Variants in ATL1 observed in about 807,000 individuals in gnomAD.
The protein encoded by ATL1 is atlastin GTPase 1.
A neutral mutation model predicts 75.5 loss-of-function variants in ATL1; 31 were observed. That is an observed-to-expected ratio of 0.41 (90% CI 0.31 to 0.55). The LOEUF (loss-of-function observed/expected upper bound fraction) is 0.55. Ranked by LOEUF, ATL1 falls within the 20% of genes least tolerant of loss-of-function variation. ATL1 has a pLI of 0.27. For missense variants in ATL1, 405 were observed against 662.6 expected, an observed-to-expected ratio of 0.61 and a Z score of 4.27; for synonymous variants, 226 against 233.3, an observed-to-expected ratio of 0.97 and a Z score of 0.28.
intron 6 of ATL1, among the ~76,000 whole-genome samples, chr14:50,601,739 G>A: frequency 6.6e-6 from 1 of 152,120 alleles, no homozygotes; most frequent in Non-Finnish European, 1.5e-5. Context: ...TAAAAATCTG[G>A]CAGGAGCTAC....
chr14:50,569,673 T>C (rs1321122006), intron 1 of ATL1, among the ~76,000 whole-genome samples: 1 of 152,182 alleles, frequency 6.6e-6, no homozygotes, highest in Non-Finnish European at 1.5e-5. Context: ...AGTTACTGTG[T>C]AGTGTCGTTT....
intron 1 of ATL1, among the ~76,000 whole-genome samples, chr14:50,575,725 A>G (rs890421928): frequency 6.6e-6 from 1 of 150,752 alleles, no homozygotes; most frequent in Admixed American, 6.7e-5. Flanking sequence ...AGAGTTTGTC[A>G]TCTTACTTAG....
Position 50,587,836 on chromosome 14 carries a change from T to C in ATL1, c.40T>C (p.Phe14Leu), listed in dbSNP as rs1287543679. Reference protein sequence around the residue: ...NRRDRNSWGGFSEKTYEWSSE... With the variant: ...NRRDRNSWGGLSEKTYEWSSE... Reference sequence around the variant, plus strand: ...GTCACTGCTCTGTTCAACAGGTGGATTTTCGGAAAAGACATATGAATGGAG... The same window carrying C: ...GTCACTGCTCTGTTCAACAGGTGGACTTTCGGAAAAGACATATGAATGGAG... The change falls in exon 2 of 14, where the codon TTT becomes CTT. Residue 14 changes from phenylalanine to leucine, a missense_variant. Coordinates refer to ENST00000358385, the MANE Select transcript of ATL1 (RefSeq NM_015915.5). The C allele has an allele frequency of 1.2e-6, 2 of 1,614,186 alleles. No homozygotes were observed. The highest frequency in any genetic ancestry group is 2.2e-5 in the South Asian group (2 of 91,082).
chr14:50,589,698 A>T (rs1454943629), intron 2 of ATL1, among the ~76,000 whole-genome samples: 1 of 152,228 alleles, frequency 6.6e-6, no homozygotes, highest in African/African-American at 2.4e-5. Context: ...AAGAAATAAG[A>T]TTGAATAGGT....
At chr14:50,625,696 T>G (rs2140236972) in intron 11 of ATL1, among the ~76,000 whole-genome samples, 1 of 152,090 alleles carries the variant, frequency 6.6e-6, no homozygotes, top group East Asian at 1.9e-4. Flanking sequence ...GAGGCCGAGG[T>G]GGGTGGATCA....
intron 4 of ATL1, among the ~76,000 whole-genome samples, chr14:50,592,573 A>G (rs1172203805): frequency 6.6e-6 from 1 of 152,086 alleles, no homozygotes; most frequent in Non-Finnish European, 1.5e-5. Context: ...TAACCTACTT[A>G]ATCAACTTTT....
At chr14:50,552,666 A>G (rs1004664738) in intron 1 of ATL1, among the ~76,000 whole-genome samples, 2 of 152,240 alleles carry the variant, frequency 1.3e-5, no homozygotes, top group African/African-American at 4.8e-5. Context: ...AAAAATAGGC[A>G]TGTAGACCAA....
At chr14:50,574,354 A>T (rs2038981505) in intron 1 of ATL1, among the ~76,000 whole-genome samples, 1 of 152,164 alleles carries the variant, frequency 6.6e-6, no homozygotes, top group South Asian at 2.1e-4. Flanking sequence ...TCACTGGCAA[A>T]ATCTAAACAA....
At chr14:50,596,296 T>C (rs556567571) in intron 6 of ATL1, among the ~76,000 whole-genome samples, 1 of 151,794 alleles carries the variant, frequency 6.6e-6, no homozygotes, top group South Asian at 2.1e-4. Context: ...TAGTGAGAGA[T>C]GGTGTCTCTT....
upstream of ATL1, among the ~76,000 whole-genome samples, chr14:50,556,812 A>G (rs914231566): frequency 6.6e-6 from 1 of 152,218 alleles, no homozygotes; most frequent in African/African-American, 2.4e-5. Context: ...ATGTTGTACC[A>G]TATATTGGTA....
intron 2 of ATL1, among the ~76,000 whole-genome samples, chr14:50,588,490 C>G (rs2039123541): frequency 6.6e-6 from 1 of 152,094 alleles, no homozygotes; most frequent in Non-Finnish European, 1.5e-5. Context: ...TATCCACCAC[C>G]CAGATTCTAC....
At chr14:50,553,442 T>TA (rs547797971) in intron 1 of ATL1, among the ~76,000 whole-genome samples, 7,411 of 150,682 alleles carry the variant, frequency 0.049, 185 homozygotes, top group African/African-American at 0.065. Context: ...ATTTAAAAAT[T>TA]AAAAAAAAAT....
At chr14:50,594,964 A>G (rs1275806981) in intron 5 of ATL1, among the ~76,000 whole-genome samples, 2 of 149,050 alleles carry the variant, frequency 1.3e-5, no homozygotes, top group African/African-American at 5.0e-5. Flanking sequence ...ATGCCACTGC[A>G]CTCCAGCCTG....
intron 7 of ATL1, 43 bp downstream of exon 7, chr14:50,613,394 G>C: frequency 6.9e-7 from 1 of 1,439,872 alleles, no homozygotes. Context: ...CTAATAATCT[G>C]GAATTATTTC....
chr14:50,567,721 C>T (rs905555102), intron 1 of ATL1, among the ~76,000 whole-genome samples: 1 of 152,052 alleles, frequency 6.6e-6, no homozygotes, highest in Non-Finnish European at 1.5e-5. Context: ...TATGATTTCT[C>T]TTGTGATTTT....
intron 9 of ATL1, among the ~76,000 whole-genome samples, chr14:50,621,525 G>A (rs979185754): frequency 2.0e-5 from 3 of 152,136 alleles, no homozygotes; most frequent in Non-Finnish European, 4.4e-5. Flanking sequence ...GACATCAGCA[G>A]GGTACAGATT....
rs552529466 is a variant in ATL1, at chr14:50,540,981, A to G, written c.-140+7614A>G. On this transcript the variant is annotated intron_variant, in intron 1 of 13. Transcript: ENST00000441560. ...AGTTTTGGAGAATGTGGATTATTAA[A>G]AATTTAATCAAATGTTGATGCTAGT... Among the ~76,000 whole-genome samples, 37 of 152,380 alleles carry G rather than the reference A, an allele frequency of 2.4e-4. No homozygotes were observed. In the South Asian group the frequency reaches 7.7e-3, roughly 32 times the overall value.
chr14:50,597,795 C>T (rs966009172), intron 6 of ATL1, among the ~76,000 whole-genome samples: 5 of 152,172 alleles, frequency 3.3e-5, no homozygotes, highest in Non-Finnish European at 5.9e-5. Context: ...CTGGGATTCA[C>T]GCCATTCTCC....
chr14:50,617,378 T>C (rs1044115867), intron 8 of ATL1, among the ~76,000 whole-genome samples: 1 of 152,194 alleles, frequency 6.6e-6, no homozygotes, highest in Admixed American at 6.5e-5. Context: ...TATCCTTTTT[T>C]TTCTTTTGAG....
Sources: allele counts gnomAD v4.1 joint callset (sites outside exome capture counted in the v4.1 genomes callset), GRCh38; gene constraint gnomAD v4.1.1; transcripts MANE v1.5; gene names NCBI Gene and HGNC (gene_info 2026-07-23, HGNC 2026-07-21).